RALGAPA2: variants seen among roughly 807,000 people sequenced by gnomAD.
RALGAPA2 encodes the protein Ral GTPase activating protein catalytic subunit alpha 2.
A neutral mutation model predicts 230.4 loss-of-function variants in RALGAPA2; 139 were observed. The ratio of observed to expected loss-of-function variants is 0.60; its 90% CI spans 0.53 to 0.69. RALGAPA2 has a LOEUF of 0.69. Among genes scored for constraint, RALGAPA2 ranks in the 30% least tolerant of loss-of-function variants. RALGAPA2 has a pLI of 0.00. For missense variants in RALGAPA2, 2,163 were observed against 2,276.0 expected, an observed-to-expected ratio of 0.95 and a Z score of 1.01; for synonymous variants, 847 against 837.8, an observed-to-expected ratio of 1.01 and a Z score of -0.19.
intron 12 of RALGAPA2, among the ~76,000 whole-genome samples, chr20:20,618,839 CT>C (rs1453440795): frequency 1.3e-5 from 2 of 152,152 alleles, no homozygotes; most frequent in African/African-American, 4.8e-5. Flanking sequence ...TCATTCAAAT[CT>C]AAAAACTACA....
At chr20:20,533,089 G>A (rs1054247559) in intron 26 of RALGAPA2, among the ~76,000 whole-genome samples, 2 of 149,638 alleles carry the variant, frequency 1.3e-5, no homozygotes, top group African/African-American at 4.9e-5. Context: ...ATGAAGGCAA[G>A]ATAAAGGAGA....
At chr20:20,479,149 AC>A (rs757686485) in intron 36 of RALGAPA2, among the ~76,000 whole-genome samples, 31 of 152,366 alleles carry the variant, frequency 2.0e-4, no homozygotes, top group Non-Finnish European at 4.3e-4. Context: ...GTAGAAAAAA[AC>A]ATTCTAACAA....
chr20:20,501,938 G>A (rs146663780), intron 35 of RALGAPA2, among the ~76,000 whole-genome samples: 1 of 152,094 alleles, frequency 6.6e-6, no homozygotes, highest in African/African-American at 2.4e-5. Flanking sequence ...AGAACACACC[G>A]AACATGTATG....
At chr20:20,569,213 A>G (rs1415727607) in intron 23 of RALGAPA2, among the ~76,000 whole-genome samples, 3 of 152,208 alleles carry the variant, frequency 2.0e-5, no homozygotes, top group Non-Finnish European at 1.5e-5. Context: ...TAAATGAAAA[A>G]AAGTTTCTTT....
At chr20:20,596,020 C>T (rs1466904212) in intron 16 of RALGAPA2, among the ~76,000 whole-genome samples, 4 of 151,804 alleles carry the variant, frequency 2.6e-5, no homozygotes, top group African/African-American at 2.4e-5. Context: ...ACTGTTCTCA[C>T]GAAGGGAAAA....
intron 37 of RALGAPA2, chr20:20,471,744 G>A (rs1298276423): frequency 1.3e-5 from 2 of 152,056 alleles, no homozygotes; most frequent in Admixed American, 6.5e-5. Flanking sequence ...GGACCAGATG[G>A]GACCTAATAG....
At chr20:20,511,167 A>ATACT in intron 33 of RALGAPA2, 87 bp downstream of exon 33, 1 of 1,520,366 alleles carries the variant, frequency 6.6e-7, no homozygotes, top group Non-Finnish European at 8.8e-7. Context: ...TGTCTCAGTA[A>ATACT]GTCTATTCAT....
intron 3 of RALGAPA2, among the ~76,000 whole-genome samples, chr20:20,671,300 T>C (rs1310204171): frequency 6.6e-6 from 1 of 152,244 alleles, no homozygotes; most frequent in Admixed American, 6.5e-5. Flanking sequence ...TTTCATGCCT[T>C]CTTATCTCTT....
intron 38 of RALGAPA2, among the ~76,000 whole-genome samples, chr20:20,408,318 T>C (rs2059987454): frequency 6.6e-6 from 1 of 152,240 alleles, no homozygotes; most frequent in Non-Finnish European, 1.5e-5. Flanking sequence ...GATTGCTAGC[T>C]GTGACCGTAA....
At chr20:20,443,229 G>A (rs373977922) in intron 37 of RALGAPA2, among the ~76,000 whole-genome samples, 14 of 152,198 alleles carry the variant, frequency 9.2e-5, no homozygotes, top group Non-Finnish European at 1.8e-4. Context: ...TAAAACTACC[G>A]TGGCGTGGGG....
In RALGAPA2 at chr20:20,526,377, C is replaced by G; in HGVS notation, c.3583-15G>C. The stretch of plus-strand genomic sequence containing the variant: ...TTGTTGGGAAACTATAAAAGGAAAC[C>G]GAATCCCAAAGCAGACACATAACTT... On this transcript the variant is annotated splice_polypyrimidine_tract_variant and intron_variant, in intron 27 of 39. Transcript: ENST00000202677. 2 of 1,520,646 alleles carry G rather than the reference C, an allele frequency of 1.3e-6. No individual in the cohort carries two copies. The highest frequency in any genetic ancestry group is 9.0e-7 in the Non-Finnish European group (1 of 1,116,044). 94.2% of individuals were successfully genotyped at this position (1,520,646 alleles called of 1,614,324 possible). A position where few individuals can be genotyped will look rare whatever the true frequency, so the allele number is the denominator to read the frequency against.
rs760778560 is a variant in RALGAPA2, at chr20:20,635,485, T to C, written c.938A>G (p.Glu313Gly). 1.4e-4 allele frequency: 224 copies of C among 1,601,022 alleles called. No homozygotes were observed. The highest frequency in any genetic ancestry group is 1.9e-4 in the Non-Finnish European group (220 of 1,174,970). The change falls in exon 9 of 40, where the codon GAA becomes GGA. Residue 313 changes from glutamate (E) to glycine (G), a missense_variant. Transcript: ENST00000202677. ...TTGTGTTGCAGTTAGATACTTTTTT[T>C]CCAAAAAGAAGGTTACAATCCACTT... ...FIKWIVTFFL[E>G]KKYLTATQNT...
chr20:20,439,773 A>G (rs2060696330), intron 37 of RALGAPA2, among the ~76,000 whole-genome samples: 3 of 152,180 alleles, frequency 2.0e-5, no homozygotes, highest in Non-Finnish European at 2.9e-5. Context: ...TTTTCCTCCT[A>G]GCCTACTGAA....
chr20:20,415,152 T>C (rs913669), intron 37 of RALGAPA2, among the ~76,000 whole-genome samples: 100,892 of 152,220 alleles, frequency 0.66, 33,632 homozygotes, highest in African/African-American at 0.75. Context: ...CATTTTCTTA[T>C]CTAATATCCT....
At position 20,637,396 on chromosome 20, in the gene RALGAPA2, T is replaced by C. The variant is rs1436107268; in HGVS notation, c.772A>G (p.Thr258Ala). Residue 258 changes from threonine to alanine, a missense_variant, in exon 8 of 40, where the codon ACT becomes GCT. Coordinates refer to ENST00000202677, the MANE Select transcript of RALGAPA2 (RefSeq NM_020343.4). ...GGTTTGTAGATGTTTGTTAACTTAG[T>C]AAATGATGGAAATAAATGAGGAAGA... ...YYLPHLFPSFTKLTNIYKPVL... is the reference protein window; with the variant it reads ...YYLPHLFPSFAKLTNIYKPVL... The C allele has an allele frequency of 1.1e-5, 17 of 1,597,444 alleles. No homozygotes were observed. Among genetic ancestry groups the C allele is most frequent in the Non-Finnish European group, 9.4e-6 (11 of 1,169,908 alleles).
At chr20:20,680,832 T>C in intron 1 of RALGAPA2, 31 bp from the exon 2 acceptor site, 2 of 1,529,528 alleles carry the variant, frequency 1.3e-6, no homozygotes, top group South Asian at 1.3e-5. Flanking sequence ...TTTATGACAA[T>C]TCACTTTATA....
chr20:20,443,782 C>T (rs1344729673), intron 37 of RALGAPA2, among the ~76,000 whole-genome samples: 2 of 152,252 alleles, frequency 1.3e-5, no homozygotes, highest in Non-Finnish European at 1.5e-5. Flanking sequence ...GTGCTTAGTA[C>T]AGTGCACAAC....
intron 37 of RALGAPA2, among the ~76,000 whole-genome samples, chr20:20,424,173 T>A (rs927036800): frequency 3.3e-5 from 5 of 152,234 alleles, no homozygotes; most frequent in Admixed American, 6.5e-5. Flanking sequence ...AGGGGATTGA[T>A]TTGTGAAGGA....
Position 20,616,092 on chromosome 20 carries a change from T to G in RALGAPA2, c.1639A>C (p.Ile547Leu). The G allele has an allele frequency of 6.4e-7, 1 of 1,554,566 alleles. No homozygotes were observed. The highest frequency in any genetic ancestry group is 8.7e-7 in the Non-Finnish European group (1 of 1,149,284). ...EQVDACKAVL[I>L]IFRRMIMELT... ...TCCATTATCATGCGCCTAAAAATAATCAAAACAGCTTTACAAGCATCAACT... is the reference window on the plus strand; with the variant it reads ...TCCATTATCATGCGCCTAAAAATAAGCAAAACAGCTTTACAAGCATCAACT... The change falls in exon 13 of 40, where the codon ATT becomes CTT. Residue 547 changes from isoleucine (I) to leucine (L), a missense_variant. Transcript: ENST00000202677.
Sources: gnomAD v4.1 joint callset for allele counts (sites outside exome capture counted in the v4.1 genomes callset) on GRCh38, gnomAD v4.1.1 for gene constraint, MANE v1.5 for transcripts, NCBI Gene and HGNC (gene_info 2026-07-23, HGNC 2026-07-21) for gene names.